The following XKR9 variants were observed in gnomAD, a reference collection of about 807,000 sequenced individuals.
XKR9 encodes the protein XK-related protein 9.
XKR9 carries 32 observed loss-of-function variants against 32.0 expected under a neutral mutation model. The ratio of observed to expected loss-of-function variants is 1.00; its 90% CI spans 0.76 to 1.34. XKR9 has a LOEUF of 1.34. Ranked by LOEUF, XKR9 falls within the 40% of genes most tolerant of loss-of-function variation. XKR9 has a pLI of 0.00. For missense variants in XKR9, 546 were observed against 429.7 expected (o/e 1.27, Z -2.39); for synonymous variants, 168 against 143.4 (o/e 1.17, Z -1.22).
In XKR9 at chr8:70,734,086, T is replaced by G; in HGVS notation, c.784T>G (p.Leu262Val). Residue 262 changes from leucine to valine, a missense_variant, in exon 5 of 5, where the codon TTA (leucine) becomes GTA (valine). Physicochemically the swap from Leu to Val is conservative, Grantham distance 32. Transcript: ENST00000408926. ...QFCTCISMEF[L>V]YRIVVGFILI... is the part of the protein sequence containing the mutation. ...TTGTACTTGTATAAGTATGGAATTC[T>G]TATATAGGATTGTTGTTGGATTCAT... 6.2e-7 allele frequency: 1 copy of G among 1,612,902 alleles called. No individual in the cohort carries two copies.
intron 3 of XKR9, among the ~76,000 whole-genome samples, chr8:70,702,343 G>C (rs572737148): frequency 6.6e-6 from 1 of 152,168 alleles, no homozygotes; most frequent in African/African-American, 2.4e-5. Context: ...TTATAGCCCA[G>C]CATGTAGTCT....
At chr8:70,909,703 C>CT in the XKR9 span, among the ~76,000 whole-genome samples, 11,381 of 91,172 alleles carry the variant, frequency 0.12, 1,036 homozygotes, top group Middle Eastern at 0.15. Context: ...TCGATTTATC[C>CT]TTTTTTTTTT....
chr8:70,975,394 A>C, the XKR9 span, among the ~76,000 whole-genome samples: 7 of 152,224 alleles, frequency 4.6e-5, no homozygotes, highest in South Asian at 1.4e-3. Flanking sequence ...TTAAGTCTTT[A>C]ATCCATCTTG....
the XKR9 span, among the ~76,000 whole-genome samples, chr8:71,007,687 G>A: frequency 3.3e-5 from 5 of 151,898 alleles, no homozygotes; most frequent in African/African-American, 1.2e-4. Context: ...TAGCTAAAGA[G>A]GAAATTTTGG....
At chr8:70,817,258 A>G in the XKR9 span, among the ~76,000 whole-genome samples, 5 of 152,174 alleles carry the variant, frequency 3.3e-5, no homozygotes, top group African/African-American at 9.7e-5. Context: ...CCTAGAACTG[A>G]TAAATGACTT....
At chr8:70,802,376 C>A in the XKR9 span, among the ~76,000 whole-genome samples, 1 of 152,170 alleles carries the variant, frequency 6.6e-6, no homozygotes, top group Non-Finnish European at 1.5e-5. Flanking sequence ...AGTGTCACTG[C>A]ATGTGGAGTG....
intron 2 of XKR9, among the ~76,000 whole-genome samples, chr8:70,743,963 T>C (rs1482087426): frequency 6.6e-6 from 1 of 152,088 alleles, no homozygotes; most frequent in Non-Finnish European, 1.5e-5. Context: ...ATAGTGGTTA[T>C]TTGTGAGACG....
At chr8:70,855,124 T>C in the XKR9 span, among the ~76,000 whole-genome samples, 12 of 152,140 alleles carry the variant, frequency 7.9e-5, no homozygotes, top group African/African-American at 2.9e-4. Context: ...GTATGATGGA[T>C]GGAGAATGAC....
At chr8:70,770,665 A>T (rs1450451743) in intron 2 of XKR9, among the ~76,000 whole-genome samples, 9 of 152,174 alleles carry the variant, frequency 5.9e-5, no homozygotes, top group Admixed American at 2.0e-4. Context: ...TGCTGCACTG[A>T]GGTGGGCTCT....
At chr8:70,728,502 A>G (rs1487813545) in intron 4 of XKR9, among the ~76,000 whole-genome samples, 2 of 152,220 alleles carry the variant, frequency 1.3e-5, no homozygotes, top group South Asian at 2.1e-4. Context: ...ATAGTATACT[A>G]TAAGGTAAAT....
chr8:70,986,839 A>G, the XKR9 span, among the ~76,000 whole-genome samples: 4 of 152,234 alleles, frequency 2.6e-5, no homozygotes, highest in African/African-American at 9.6e-5. Flanking sequence ...CATACCTGAG[A>G]CTGGGCAATT....
chr8:70,978,531 ATTCTT>A, the XKR9 span, among the ~76,000 whole-genome samples: 1 of 152,282 alleles, frequency 6.6e-6, no homozygotes, highest in African/African-American at 2.4e-5. Flanking sequence ...TGGGTTGAAA[ATTCTT>A]TTCTTTAAGA....
At chr8:70,971,264 C>T in the XKR9 span, among the ~76,000 whole-genome samples, 2 of 151,578 alleles carry the variant, frequency 1.3e-5, no homozygotes, top group Admixed American at 6.6e-5. Context: ...TGTATATCTT[C>T]GTTTGAGAAT....
the XKR9 span, among the ~76,000 whole-genome samples, chr8:70,886,121 A>G: frequency 1.4e-4 from 22 of 152,100 alleles, no homozygotes; most frequent in Non-Finnish European, 2.4e-4. Flanking sequence ...GCTCCTACTA[A>G]TGAGTGAGAA....
chr8:70,902,795 A>G, the XKR9 span, among the ~76,000 whole-genome samples: 3 of 152,158 alleles, frequency 2.0e-5, no homozygotes, highest in Admixed American at 6.5e-5. Context: ...ATTTTGAGAT[A>G]ACGTCTCATC....
intron 2 of XKR9, among the ~76,000 whole-genome samples, chr8:70,752,857 C>T (rs1409093247): frequency 6.6e-6 from 1 of 152,058 alleles, no homozygotes; most frequent in African/African-American, 2.4e-5. Context: ...ATTAAAAGAA[C>T]TAGAAAAGCA....
At chr8:70,946,890 G>A in the XKR9 span, among the ~76,000 whole-genome samples, 3 of 152,150 alleles carry the variant, frequency 2.0e-5, no homozygotes, top group Non-Finnish European at 4.4e-5. Context: ...ATGGGATATG[G>A]GACCAATAAG....
chr8:70,838,657 C>T, the XKR9 span, among the ~76,000 whole-genome samples: 1 of 152,042 alleles, frequency 6.6e-6, no homozygotes, highest in African/African-American at 2.4e-5. Context: ...GCAGTCCCAT[C>T]TTTCTCTGAA....
the XKR9 span, among the ~76,000 whole-genome samples, chr8:70,882,259 A>G: frequency 3.3e-5 from 5 of 152,124 alleles, no homozygotes; most frequent in African/African-American, 7.2e-5. Context: ...TTAAAGTATA[A>G]TAATAAAAAA....
Sources: gnomAD v4.1 joint callset for allele counts (sites outside exome capture counted in the v4.1 genomes callset) on GRCh38, gnomAD v4.1.1 for gene constraint, MANE v1.5 for transcripts, NCBI Gene and HGNC (gene_info 2026-07-23, HGNC 2026-07-21) for gene names.